Variants in PTCH1 observed in about 807,000 individuals in gnomAD.
The protein encoded by PTCH1 is protein patched homolog 1.
A neutral mutation model predicts 144.6 loss-of-function variants in PTCH1; 14 were observed. The ratio of observed to expected loss-of-function variants is 0.10; its 90% CI spans 0.06 to 0.15. PTCH1 has a LOEUF of 0.15. Among genes scored for constraint, PTCH1 ranks in the 10% least tolerant of loss-of-function variants. The pLI is 1.00. For synonymous variants in PTCH1, 833 were observed against 793.6 expected (o/e 1.05, Z -0.83); for missense variants, 1,623 against 1,948.3 (o/e 0.83, Z 3.14).
chr9:95,458,272 T>G lies in PTCH1; in HGVS notation c.2909A>C (p.Glu970Ala). The G allele has an allele frequency of 6.2e-7, 1 of 1,613,734 alleles. No homozygotes were observed. The highest frequency in any genetic ancestry group is 1.3e-5 in the African/African-American group (1 of 74,874). Residue 970 changes from glutamate to alanine, a missense_variant, in exon 18 of 24, where the codon GAG (glutamate) becomes GCG (alanine). This residue lies in a region of PTCH1 where 504 missense variants were observed against 679.3 expected (regional missense o/e 0.74). Coordinates refer to ENST00000331920, the MANE Select transcript of PTCH1 (RefSeq NM_000264.5). This position sits in a 1 kb window ranked among gnomAD's most constrained non-coding sequence, Gnocchi z 4.7. ...GAGGTAGAAAGGGAACTGGGCATAC[T>G]CGATGGGCTCTGCTGCCGGGACTGG... ...RLRIPAAEPI[E>A]YAQFPFYLNG...
chr9:95,510,313 T>C (rs919632921), upstream of PTCH1, among the ~76,000 whole-genome samples: 2 of 152,166 alleles, frequency 1.3e-5, no homozygotes, highest in Non-Finnish European at 2.9e-5. Flanking sequence ...TAGTATGACG[T>C]AGGAGATTAT....
chr9:95,469,845 G>A lies in PTCH1; in HGVS notation c.1815C>T (p.Asp605=), dbSNP rs1588578295. The part of the protein sequence containing the change: ...ILSMDLYRRE[D]RRLDIFCCFT... ...AACAGCAGAAAATATCCAGTCTCCT[G>A]TCCTCGCGTCGATATAAATCCATGC... The change falls in exon 13 of 24, where the codon GAC becomes GAT. Residue 605 remains aspartate (D), a synonymous_variant. Transcript: ENST00000331920. The A allele has an allele frequency of 1.2e-6, 2 of 1,614,004 alleles. No homozygotes were observed. Among genetic ancestry groups the A allele is most frequent in the Non-Finnish European group, 1.7e-6 (2 of 1,179,942 alleles).
At chr9:95,454,225 C>A (rs1453857805) in intron 19 of PTCH1, among the ~76,000 whole-genome samples, 1 of 152,190 alleles carries the variant, frequency 6.6e-6, no homozygotes, top group Non-Finnish European at 1.5e-5. Flanking sequence ...TCTCCTAGGC[C>A]AGAAATGCTG....
chr9:95,472,684 C>G (rs1803348062), intron 12 of PTCH1, among the ~76,000 whole-genome samples: 1 of 152,130 alleles, frequency 6.6e-6, no homozygotes, highest in Admixed American at 6.5e-5. Flanking sequence ...GTCAGAGAAG[C>G]CTGCTGGGCA....
chr9:95,509,695 T>C (rs3758300), upstream of PTCH1, among the ~76,000 whole-genome samples: 5 of 152,124 alleles, frequency 3.3e-5, no homozygotes, highest in East Asian at 9.6e-4. Context: ...ATTTCTGAAA[T>C]TCCTCAAAGA....
At chr9:95,462,092 G>C in intron 15 of PTCH1, 94 bp from the exon 16 acceptor site, 1 of 1,448,256 alleles carries the variant, frequency 6.9e-7, no homozygotes, top group South Asian at 1.1e-5. Context: ...GCAGGGCAGG[G>C]GGCTCTTAGA....
At chr9:95,484,419 T>A (rs981859055) in intron 3 of PTCH1, 1 of 152,216 alleles carries the variant, frequency 6.6e-6, no homozygotes, top group East Asian at 1.9e-4. Flanking sequence ...CAAACAAGAA[T>A]GTGCCAAAGA....
At position 95,449,623 on chromosome 9, in the gene PTCH1, C is replaced by T. The variant is rs1838276871; in HGVS notation, c.3549+218G>A. ...ATTTACTGTATAAAGATCTGTAAGA[C>T]CCAGGCTGCCAATCAGTTGATTTAG... On this transcript the variant is annotated intron_variant, in intron 21 of 23. Transcript: ENST00000331920. This position sits in a 1 kb window ranked among gnomAD's most constrained non-coding sequence, Gnocchi z 5.3. 3.1e-6 allele frequency: 2 copies of T among 649,578 alleles called. No individual in the cohort carries two copies. The highest frequency in any genetic ancestry group is 5.4e-6 in the Non-Finnish European group (2 of 372,900). The allele number at this position is 649,578 out of a possible 1,614,324, so 40.2% of individuals were successfully genotyped here.
At position 95,508,233 on chromosome 9, in the gene PTCH1, G is replaced by A. The variant is rs763200358; in HGVS notation, c.129C>T (p.Ala43=). The part of the protein sequence containing the change: ...RRRTGGLRRA[A]APDRDYLHRP... ...GGTGCAGATAGTCCCGGTCCGGCGC[G>A]GCAGCACGGCGCAGCCCCCCCGTCC... The change falls in exon 1 of 24, where the codon GCC becomes GCT. Residue 43 remains alanine, a synonymous_variant. Transcript: ENST00000331920. 43 of 1,609,814 alleles carry A rather than the reference G, an allele frequency of 2.7e-5. No homozygotes were observed. Among genetic ancestry groups the A allele is most frequent in the African/African-American group, 4.0e-5 (3 of 74,858 alleles).
Position 95,506,402 on chromosome 9 carries a change from C to T in PTCH1, c.394+5G>A, listed in dbSNP as rs2118872984. 1 of 1,609,822 alleles carries T rather than the reference C, an allele frequency of 6.2e-7. No individual in the cohort carries two copies. The highest frequency in any genetic ancestry group is 8.5e-7 in the Non-Finnish European group (1 of 1,178,792). On this transcript the variant is annotated splice_donor_5th_base_variant and intron_variant, in intron 2 of 23. Coordinates refer to ENST00000331920, the MANE Select transcript of PTCH1 (RefSeq NM_000264.5). ...GGGCGCGGGCGCCGCGGCGGGCGCT[C>T]TTACCTTCCACCCACAGCTCCTCCA...
intron 20 of PTCH1, chr9:95,452,656 G>A (rs1314353635): frequency 6.6e-6 from 1 of 152,218 alleles, no homozygotes; most frequent in Non-Finnish European, 1.5e-5. Context: ...GACTTGCCTT[G>A]AGATCCAAAC....
In PTCH1 at chr9:95,458,253, G is replaced by C. The variant is rs1588540820; in HGVS notation, c.2928C>G (p.Phe976Leu). The change falls in exon 18 of 24, where the codon TTC (phenylalanine) becomes TTG (leucine). Residue 976 changes from phenylalanine (F) to leucine (L), a missense_variant. Physicochemically the swap from Phe to Leu is conservative, Grantham distance 22. Coordinates refer to ENST00000331920, the MANE Select transcript of PTCH1 (RefSeq NM_000264.5). This position sits in a 1 kb window ranked among gnomAD's most constrained non-coding sequence, Gnocchi z 4.7. Reference protein sequence around the residue: ...AEPIEYAQFPFYLNGLRDTSD... With the variant: ...AEPIEYAQFPLYLNGLRDTSD... ...AGGTGTCCCGCAAGCCGTTGAGGTA[G>C]AAAGGGAACTGGGCATACTCGATGG... is the stretch of plus-strand genomic sequence containing the variant. The C allele has an allele frequency of 6.2e-7, 1 of 1,614,106 alleles. No homozygotes were observed. Among genetic ancestry groups the C allele is most frequent in the Non-Finnish European group, 8.5e-7 (1 of 1,180,034 alleles).
rs540754489 is a variant in PTCH1, at chr9:95,456,779, C to T, written c.3169-366G>A. ...GCGAATTTCACAGTTTACAACAAGA[C>T]CCATCTCTCCTCCTGCTTGGGTCTC... On this transcript the variant is annotated intron_variant, in intron 18 of 23. Transcript: ENST00000331920. 5.9e-5 allele frequency among the ~76,000 whole-genome samples: 9 copies of T among 152,276 alleles called. No individual in the cohort carries two copies. In the South Asian group the frequency reaches 1.9e-3, roughly 32 times the overall value.
rs1843653911 is a variant in PTCH1, at chr9:95,506,464, C to A, written c.337G>T (p.Ala113Ser). Residue 113 changes from alanine to serine, a missense_variant, in exon 2 of 24, where the codon GCG (alanine) becomes TCG (serine). Coordinates refer to ENST00000331920, the MANE Select transcript of PTCH1 (RefSeq NM_000264.5). Reference protein sequence around the residue: ...VVGLLIFGAFAVGLKAANLET... With the variant: ...VVGLLIFGAFSVGLKAANLET... ...AGGTTCGCTGCTTTTAATCCCACCG[C>A]GAAGGCCCCAAATATGAGGAGGCCC... The A allele has an allele frequency of 6.2e-7, 1 of 1,613,256 alleles. No individual in the cohort carries two copies. Among genetic ancestry groups the A allele is most frequent in the Admixed American group, 1.7e-5 (1 of 59,934 alleles).
At chr9:95,509,928 G>A (rs193075867), upstream of PTCH1, among the ~76,000 whole-genome samples, 4 of 152,060 alleles carry the variant, frequency 2.6e-5, no homozygotes, top group African/African-American at 7.2e-5. Context: ...AAGTTAAAGA[G>A]GAAAGCAAGG....
rs1214390513 is a variant in PTCH1, at chr9:95,444,267, T to C, written c.*2126A>G. ...GACTATTGGAGAAAGTTCTACACCA[T>C]GCAGAAATCAGGGGCCGCGCAGCCT... On this transcript the variant is annotated 3_prime_UTR_variant, in exon 24 of 24. Coordinates refer to ENST00000331920, the MANE Select transcript of PTCH1 (RefSeq NM_000264.5). 3 of 138,598 alleles carry C rather than the reference T, an allele frequency of 2.2e-5. No individual in the cohort carries two copies. Among genetic ancestry groups the C allele is most frequent in the Non-Finnish European group, 3.1e-5 (2 of 64,668 alleles). The allele number at this position is 138,598 out of a possible 1,614,324, so 8.6% of individuals were successfully genotyped here. A position where few individuals can be genotyped will look rare whatever the true frequency, so the allele number is the denominator to read the frequency against.
At chr9:95,470,356 G>T (rs745467284) in intron 12 of PTCH1, among the ~76,000 whole-genome samples, 6 of 152,106 alleles carry the variant, frequency 3.9e-5, no homozygotes, top group Non-Finnish European at 7.4e-5. Context: ...AAAGTGGATC[G>T]AGTATATCAA....
chr9:95,499,144 G>A (rs1299668805), intron 2 of PTCH1, among the ~76,000 whole-genome samples: 1 of 152,076 alleles, frequency 6.6e-6, no homozygotes, highest in Non-Finnish European at 1.5e-5. Context: ...CTCTCTGGCG[G>A]TGTGGTATGG....
rs1554690458 is a variant in PTCH1, at chr9:95,453,567, C to T, written c.3360G>A (p.Glu1120=). The T allele has an allele frequency of 2.5e-6, 4 of 1,614,116 alleles. No homozygotes were observed. Among genetic ancestry groups the T allele is most frequent in the South Asian group, 1.1e-5 (1 of 91,088 alleles). Residue 1120 remains glutamate, a synonymous_variant, in exon 20 of 24, where the codon GAG becomes GAA. Coordinates refer to ENST00000331920, the MANE Select transcript of PTCH1 (RefSeq NM_000264.5). ...CATCCAGGACGGGTGCAAACATGTGCTCCAGGGCAAGCACAGCCCTGCGGT... is the reference window on the plus strand; with the variant it reads ...CATCCAGGACGGGTGCAAACATGTGTTCCAGGGCAAGCACAGCCCTGCGGT... ...DKNRRAVLAL[E]HMFAPVLDGA...
Sources: allele counts gnomAD v4.1 joint callset (sites outside exome capture counted in the v4.1 genomes callset), GRCh38; gene constraint gnomAD v4.1.1; regional missense constraint gnomAD v4.1.1; non-coding constraint Gnocchi (gnomAD v3.1); transcripts MANE v1.5; gene names NCBI Gene and HGNC (gene_info 2026-07-23, HGNC 2026-07-21).